Variants in NFIC observed in about 807,000 individuals in gnomAD.
NFIC encodes the protein nuclear factor I C, also known as nuclear factor 1 C-type.
A neutral mutation model predicts 54.4 loss-of-function variants in NFIC; 12 were observed. The ratio of observed to expected loss-of-function variants is 0.22; its 90% CI spans 0.14 to 0.36. The LOEUF is 0.36. Ranked by LOEUF, NFIC falls within the 10% of genes least tolerant of loss-of-function variation. NFIC has a pLI of 1.00. For missense variants in NFIC, 575 were observed against 718.2 expected (o/e 0.80, Z 2.28); for synonymous variants, 322 against 319.2 (o/e 1.01, Z -0.09).
At position 3,459,357 on chromosome 19, in the gene NFIC, C is replaced by T. The variant is rs2082607666; in HGVS notation, c.1509+2722C>T. Among the ~76,000 whole-genome samples, 1 of 152,100 alleles carries T rather than the reference C, an allele frequency of 6.6e-6. No homozygotes were observed. The highest frequency in any genetic ancestry group is 2.1e-4 in the South Asian group (1 of 4,836). On this transcript the variant is annotated intron_variant, in intron 10 of 10. Transcript: ENST00000443272. The surrounding 1 kb of genome is among the most constrained non-coding windows in gnomAD (Gnocchi z 4.2). Reference sequence around the variant, plus strand: ...CCCTATCAATCCCCCCACTGTGAGGCTGGGTGGCTCTGACGCCCTGGCCCC... The same window carrying T: ...CCCTATCAATCCCCCCACTGTGAGGTTGGGTGGCTCTGACGCCCTGGCCCC...
intron 3 of NFIC, among the ~76,000 whole-genome samples, chr19:3,432,244 C>G (rs2082131208): frequency 6.6e-6 from 1 of 152,176 alleles, no homozygotes; most frequent in Admixed American, 6.6e-5. Flanking sequence ...AGGACAGTCT[C>G]CCTTCCTTTA....
intron 2 of NFIC, among the ~76,000 whole-genome samples, chr19:3,396,418 G>C (rs775913902): frequency 4.9e-4 from 74 of 150,656 alleles, no homozygotes; most frequent in Non-Finnish European, 2.4e-4. Context: ...CTTGCAGTGA[G>C]CTGAGATCGT....
chr19:3,435,232 C>T (rs1448788659), intron 6 of NFIC, 25 bp downstream of exon 6: 32 of 1,544,800 alleles, frequency 2.1e-5, no homozygotes, highest in Non-Finnish European at 2.7e-5. Flanking sequence ...GGGGGCGGAG[C>T]CGGCCTTCCG....
chr19:3,381,831 G>A lies in NFIC; in HGVS notation c.150G>A (p.Ser50=), dbSNP rs770314510. 18 of 1,613,918 alleles carry A rather than the reference G, an allele frequency of 1.1e-5. No homozygotes were observed. The highest frequency in any genetic ancestry group is 4.0e-5 in the African/African-American group (3 of 74,946). ...KYFKKHEKRM[S]KDEERAVKDE... is the part of the protein sequence containing the mutation. ...TCAAGAAGCACGAGAAGCGGATGTC[G>A]AAGGACGAGGAGCGTGCGGTCAAGG... The change falls in exon 2 of 11, where the codon TCG becomes TCA. Residue 50 remains serine, a synonymous_variant. Transcript: ENST00000443272.
intron 1 of NFIC, among the ~76,000 whole-genome samples, chr19:3,379,819 A>G (rs773224573): frequency 1.2e-4 from 18 of 150,878 alleles, no homozygotes; most frequent in Non-Finnish European, 2.4e-4. Context: ...CCTCCCAAGT[A>G]GTTGGGACTG....
chr19:3,435,814 TC>T (rs57286244), intron 6 of NFIC, among the ~76,000 whole-genome samples: 3,113 of 41,758 alleles, frequency 0.075, 108 homozygotes, highest in African/African-American at 0.28. Flanking sequence ...GGGGTGTCTT[TC>T]TTTCTTTCTT....
intron 3 of NFIC, among the ~76,000 whole-genome samples, chr19:3,428,726 G>A (rs938608840): frequency 2.6e-5 from 4 of 152,136 alleles, no homozygotes; most frequent in Non-Finnish European, 2.9e-5. Flanking sequence ...GAGCTTGGGC[G>A]TCTGGTAGAG....
At chr19:3,421,998 G>A (rs1374471301) in intron 2 of NFIC, among the ~76,000 whole-genome samples, 1 of 152,012 alleles carries the variant, frequency 6.6e-6, no homozygotes, top group African/African-American at 2.4e-5. Context: ...CAATAATGGC[G>A]CGATCTTGGC....
intron 6 of NFIC, among the ~76,000 whole-genome samples, chr19:3,446,899 GCCTGTGGTCCCACCTA>G (rs2082381219): frequency 1.3e-5 from 2 of 152,122 alleles, no homozygotes; most frequent in Admixed American, 1.3e-4. Flanking sequence ...GATGGTGCAT[GCCTGTGGTCCCACCTA>G]CCTGGGAGGC....
intron 2 of NFIC, among the ~76,000 whole-genome samples, chr19:3,420,101 G>A (rs912741454): frequency 1.3e-5 from 2 of 152,064 alleles, no homozygotes; most frequent in Admixed American, 6.6e-5. Flanking sequence ...AGAGTGGATC[G>A]CTTGAGCCCA....
rs551182018 is a variant in NFIC at position 3,375,012 on chromosome 19, G to A, written c.31-6700G>A. On this transcript the variant is annotated intron_variant, in intron 1 of 10. Coordinates refer to ENST00000443272, the MANE Select transcript of NFIC (RefSeq NM_001245002.2). The surrounding 1 kb of genome is among the most constrained non-coding windows in gnomAD (Gnocchi z 4.6). Reference sequence around the variant, plus strand: ...TGTCCCCGGAAAGGGCACAGAGAAGGGGAGGAACATAGAGAAGGGAGGGAC... The same window carrying A: ...TGTCCCCGGAAAGGGCACAGAGAAGAGGAGGAACATAGAGAAGGGAGGGAC... 1.9e-3 allele frequency among the ~76,000 whole-genome samples: 290 copies of A among 152,174 alleles called. 1 individual carries two copies. Among genetic ancestry groups the A allele is most frequent in the Middle Eastern group, 3.4e-3 (1 of 294 alleles).
At chr19:3,461,501 T>C (rs948323443) in intron 10 of NFIC, among the ~76,000 whole-genome samples, 7 of 150,774 alleles carry the variant, frequency 4.6e-5, no homozygotes, top group African/African-American at 1.7e-4. Flanking sequence ...GGTGGGCGGA[T>C]CACTTGAGGC....
intron 9 of NFIC, chr19:3,454,340 T>A: frequency 1.1e-6 from 1 of 882,464 alleles, no homozygotes; most frequent in Non-Finnish European, 1.4e-6. Flanking sequence ...AATCAGGACG[T>A]TTTACATAAA....
intron 2 of NFIC, among the ~76,000 whole-genome samples, chr19:3,393,686 G>C (rs1326379715): frequency 6.6e-6 from 1 of 151,210 alleles, no homozygotes; most frequent in Non-Finnish European, 1.5e-5. Context: ...GTGGTGGCGC[G>C]AACCTGTAAT....
At chr19:3,411,615 C>T (rs770074068) in intron 2 of NFIC, among the ~76,000 whole-genome samples, 6 of 152,130 alleles carry the variant, frequency 3.9e-5, no homozygotes, top group East Asian at 1.9e-4. Flanking sequence ...CCACCACTCC[C>T]GGCCCTCCAG....
intron 1 of NFIC, 32 bp from the exon 2 acceptor site, chr19:3,381,680 C>T (rs924179402): frequency 1.2e-6 from 2 of 1,606,664 alleles, no homozygotes; most frequent in Non-Finnish European, 1.7e-6. Context: ...GCGTCCCTGG[C>T]GCTCCTGACC....
At position 3,458,043 on chromosome 19, in the gene NFIC, C is replaced by G. The variant is rs1057058162; in HGVS notation, c.1509+1408C>G. On this transcript the variant is annotated intron_variant, in intron 10 of 10. Coordinates refer to ENST00000443272, the MANE Select transcript of NFIC (RefSeq NM_001245002.2). The surrounding 1 kb of genome is among the most constrained non-coding windows in gnomAD (Gnocchi z 4.1). ...TCTGAACCTCTGTCTCTTCCTCTGG[C>G]CTTGGGCACCCGCACCAAGAGCCTT... 1 of 152,336 alleles carries G rather than the reference C, an allele frequency of 6.6e-6. No individual in the cohort carries two copies. Among genetic ancestry groups the G allele is most frequent in the Admixed American group, 6.5e-5 (1 of 15,282 alleles). The allele number at this position is 152,336 out of a possible 1,614,324, so 9.4% of individuals were successfully genotyped here.
At chr19:3,460,525 T>A (rs1221415333) in intron 10 of NFIC, among the ~76,000 whole-genome samples, 1 of 151,758 alleles carries the variant, frequency 6.6e-6, no homozygotes, top group Non-Finnish European at 1.5e-5. Context: ...GTTTTTTTGG[T>A]TTTTGTTTTG....
intron 1 of NFIC, among the ~76,000 whole-genome samples, chr19:3,371,889 T>TTCCTTCCC (rs1488964891): frequency 1.5e-5 from 1 of 67,702 alleles, no homozygotes; most frequent in Non-Finnish European, 3.6e-5. Context: ...CTCTCCTTCC[T>TTCCTTCCC]TCCTTCCTTC....
Sources: gnomAD v4.1 joint callset for allele counts (sites outside exome capture counted in the v4.1 genomes callset) on GRCh38, gnomAD v4.1.1 for gene constraint, Gnocchi (gnomAD v3.1) non-coding constraint, MANE v1.5 for transcripts, NCBI Gene and HGNC (gene_info 2026-07-23, HGNC 2026-07-21) for gene names.